The following THUMPD2 variants were observed in gnomAD, a reference collection of about 807,000 sequenced individuals.
THUMPD2 encodes U6 snRNA (guanine-N(2))-methyltransferase THUMPD2.
In THUMPD2, 56 loss-of-function variants were observed where a neutral mutation model predicts 49.4. The ratio of observed to expected loss-of-function variants is 1.13; its 90% CI spans 0.91 to 1.41. The LOEUF (loss-of-function observed/expected upper bound fraction) is 1.41, where lower values mean the gene tolerates loss of function less well. Among genes scored for constraint, THUMPD2 ranks in the 40% most tolerant of loss-of-function variants. The pLI is 0.00. For missense variants in THUMPD2, 709 were observed against 594.5 expected (o/e 1.19, Z -2.00); for synonymous variants, 237 against 205.2 (o/e 1.15, Z -1.32).
intron 9 of THUMPD2, among the ~76,000 whole-genome samples, chr2:39,737,996 G>C (rs1673356672): frequency 6.6e-6 from 1 of 152,128 alleles, no homozygotes. Context: ...TTCCACCAGA[G>C]AGCTGGATAC....
chr2:39,739,619 G>A (rs1168417411), intron 9 of THUMPD2, among the ~76,000 whole-genome samples: 8 of 152,188 alleles, frequency 5.3e-5, no homozygotes, highest in Non-Finnish European at 7.3e-5. Context: ...AATCCCCGGG[G>A]CCAAGTACAT....
intron 6 of THUMPD2, 145 bp from the exon 7 acceptor site, chr2:39,756,105 G>T: frequency 2.9e-6 from 2 of 678,702 alleles, no homozygotes; most frequent in Non-Finnish European, 5.0e-6. Flanking sequence ...TGGGTTCAGG[G>T]GAGGGTTTTT....
intron 4 of THUMPD2, among the ~76,000 whole-genome samples, chr2:39,767,455 T>G: frequency 6.7e-6 from 1 of 149,866 alleles, no homozygotes; most frequent in Non-Finnish European, 1.5e-5. Context: ...ATACAAAAAA[T>G]TAGCCGGGCG....
At chr2:39,740,719 CTT>C (rs556604256) in intron 9 of THUMPD2, among the ~76,000 whole-genome samples, 21 of 151,410 alleles carry the variant, frequency 1.4e-4, no homozygotes, top group African/African-American at 5.1e-4. Context: ...CACATAATTT[CTT>C]TTCTTTTCTT....
At chr2:39,773,744 A>G (rs1054480265) in intron 1 of THUMPD2, among the ~76,000 whole-genome samples, 1 of 151,740 alleles carries the variant, frequency 6.6e-6, no homozygotes, top group Admixed American at 6.6e-5. Context: ...AGAATAGTAT[A>G]TATTGGTGCA....
chr2:39,737,631 G>A (rs982009083), intron 9 of THUMPD2, among the ~76,000 whole-genome samples: 7 of 152,180 alleles, frequency 4.6e-5, no homozygotes, highest in Middle Eastern at 6.3e-3. Flanking sequence ...AGAGAGAGGC[G>A]AGTAAAGGGT....
chr2:39,740,945 C>A (rs1052024990), intron 9 of THUMPD2, among the ~76,000 whole-genome samples: 5 of 152,112 alleles, frequency 3.3e-5, no homozygotes, highest in Non-Finnish European at 5.9e-5. Context: ...TTCCTGGCCT[C>A]AAGTGATCCT....
chr2:39,773,848 G>A (rs971346780), intron 1 of THUMPD2, among the ~76,000 whole-genome samples: 2 of 151,990 alleles, frequency 1.3e-5, no homozygotes, highest in African/African-American at 4.8e-5. Context: ...ATTATTCTAC[G>A]AATTATCATA....
In THUMPD2 at chr2:39,742,374, CACAATGTG is replaced by C. The variant is rs559516625; in HGVS notation, c.1187+1988_1187+1995del. 1.6e-3 allele frequency among the ~76,000 whole-genome samples: 237 copies of C among 152,260 alleles called. 1 individual carries two copies. The highest frequency in any genetic ancestry group is 5.4e-3 in the African/African-American group (223 of 41,550). On this transcript the variant is annotated intron_variant, in intron 9 of 9. Coordinates refer to ENST00000505747, the MANE Select transcript of THUMPD2 (RefSeq NM_025264.5). ...TCCTGATTCTTAAGTATTTAAATAT[CACAATGTG>C]ACAATGTGAGGGCTGTCACATCTAT...
intron 8 of THUMPD2, among the ~76,000 whole-genome samples, chr2:39,750,494 C>T (rs564673802): frequency 1.3e-5 from 2 of 152,214 alleles, no homozygotes; most frequent in African/African-American, 4.8e-5. Flanking sequence ...ATTGCCTGAG[C>T]TCAGGAGTTT....
chr2:39,773,400 A>G (rs1269782047), intron 1 of THUMPD2, among the ~76,000 whole-genome samples: 1 of 151,848 alleles, frequency 6.6e-6, no homozygotes, highest in Non-Finnish European at 1.5e-5. Context: ...GCAAACATCT[A>G]GACCAGTGAC....
intron 1 of THUMPD2, among the ~76,000 whole-genome samples, chr2:39,776,265 C>A (rs532449310): frequency 6.6e-6 from 1 of 151,858 alleles, no homozygotes; most frequent in Non-Finnish European, 1.5e-5. Context: ...TGCCATACAA[C>A]GAGAGGGGAG....
intron 1 of THUMPD2, among the ~76,000 whole-genome samples, chr2:39,774,878 G>T (rs1306097750): frequency 2.0e-5 from 3 of 152,110 alleles, no homozygotes; most frequent in Non-Finnish European, 4.4e-5. Context: ...TCCCGAAGAT[G>T]AAGTAACAGC....
At chr2:39,750,751 T>C (rs1675293388) in intron 8 of THUMPD2, among the ~76,000 whole-genome samples, 1 of 152,162 alleles carries the variant, frequency 6.6e-6, no homozygotes, top group Non-Finnish European at 1.5e-5. Context: ...AGTTTTAAGA[T>C]AAATGCTAGA....
intron 1 of THUMPD2, among the ~76,000 whole-genome samples, chr2:39,772,153 GAGA>G (rs1178399466): frequency 6.6e-6 from 1 of 152,172 alleles, no homozygotes; most frequent in Non-Finnish European, 1.5e-5. Context: ...TGTAAGATTT[GAGA>G]AGAAGGATTC....
In THUMPD2 at chr2:39,768,413, A is replaced by G. The variant is rs2148327449; in HGVS notation, c.750+11T>C. ...GTTACAAGTATATAAAATAAAACAA[A>G]TACTCATTACCTCTAATTGTGGATT... On this transcript the variant is annotated intron_variant, in intron 4 of 9. Coordinates refer to ENST00000505747, the MANE Select transcript of THUMPD2 (RefSeq NM_025264.5). The G allele has an allele frequency of 1.9e-6, 3 of 1,600,642 alleles. No individual in the cohort carries two copies. The Middle Eastern group carries it at 5.7e-4, about 304-fold the overall frequency.
intron 8 of THUMPD2, 54 bp downstream of exon 8, chr2:39,755,241 A>AAATATATTTAGAATCAT: frequency 4.2e-6 from 5 of 1,183,578 alleles, no homozygotes; most frequent in Non-Finnish European, 4.7e-6. Flanking sequence ...TTATGATTCT[A>AAATATATTTAGAATCAT]AATATATTTA....
chr2:39,756,589 GA>G (rs1558511389), intron 6 of THUMPD2, among the ~76,000 whole-genome samples: 1 of 152,126 alleles, frequency 6.6e-6, no homozygotes, highest in African/African-American at 2.4e-5. Flanking sequence ...CAAATGACTG[GA>G]GGGCCCCGTG....
intron 9 of THUMPD2, among the ~76,000 whole-genome samples, chr2:39,739,774 A>G (rs995700108): frequency 2.6e-5 from 4 of 152,208 alleles, no homozygotes; most frequent in African/African-American, 9.6e-5. Flanking sequence ...AGGAACTGAG[A>G]GGATAAACCC....
Sources: gnomAD v4.1 joint callset for allele counts (sites outside exome capture counted in the v4.1 genomes callset) on GRCh38, gnomAD v4.1.1 for gene constraint, MANE v1.5 for transcripts, NCBI Gene and HGNC (gene_info 2026-07-23, HGNC 2026-07-21) for gene names.